The following MTSS1 variants were observed in gnomAD, a reference collection of about 807,000 sequenced individuals.
MTSS1 encodes the protein protein MTSS 1.
MTSS1 carries 18 observed loss-of-function variants against 79.0 expected under a neutral mutation model. The observed-to-expected ratio is 0.23, with a 90% confidence interval of 0.16 to 0.34. The LOEUF is 0.34. Ranked by LOEUF, MTSS1 falls within the 10% of genes least tolerant of loss-of-function variation. The pLI, the probability that MTSS1 is intolerant of heterozygous loss-of-function variation, is 1.00. For missense variants in MTSS1, 815 were observed against 986.2 expected, an observed-to-expected ratio of 0.83 and a Z score of 2.33; for synonymous variants, 341 against 368.6, an observed-to-expected ratio of 0.93 and a Z score of 0.86.
chr8:124,715,300 A>G (rs73707021), intron 1 of MTSS1, among the ~76,000 whole-genome samples: 57 of 152,322 alleles, frequency 3.7e-4, no homozygotes, highest in African/African-American at 1.4e-3. Flanking sequence ...ATACCTCTGT[A>G]TTCATTCCAT....
At chr8:124,566,927 G>A (rs1826619087) in intron 8 of MTSS1, 144 bp downstream of exon 8, 1 of 652,484 alleles carries the variant, frequency 1.5e-6, no homozygotes, top group Non-Finnish European at 2.7e-6. Flanking sequence ...ACAGCTCGCT[G>A]TGGTGATTTC....
chr8:124,672,254 G>A (rs1022590799), intron 3 of MTSS1, among the ~76,000 whole-genome samples: 1 of 152,228 alleles, frequency 6.6e-6, no homozygotes, highest in African/African-American at 2.4e-5. Context: ...AACACTTTGG[G>A]AGGCCAAGGC....
chr8:124,628,383 C>T (rs1004997092), intron 3 of MTSS1, among the ~76,000 whole-genome samples: 1 of 152,144 alleles, frequency 6.6e-6, no homozygotes, highest in African/African-American at 2.4e-5. Flanking sequence ...TAAACCACCG[C>T]CACAGGATGC....
rs1450462880 is a variant in MTSS1 at position 124,551,362 on chromosome 8, C to T, written c.*1630G>A. ...GCTTAAATAGTTTCTAATAATCATG[C>T]CTTTGCTTTAAAGCCGTAACATAAA... On this transcript the variant is annotated 3_prime_UTR_variant, in exon 14 of 14. Transcript: ENST00000518547. 1 of 152,614 alleles carries T rather than the reference C, an allele frequency of 6.6e-6. No homozygotes were observed. The allele number at this position is 152,614 out of a possible 1,614,324, so 9.5% of individuals were successfully genotyped here. A position where few individuals can be genotyped will look rare whatever the true frequency, so the allele number is the denominator to read the frequency against.
In MTSS1 at chr8:124,568,389, C is replaced by T. The variant is rs1194676169; in HGVS notation, c.608G>A (p.Arg203Gln). The T allele has an allele frequency of 8.1e-6, 13 of 1,612,786 alleles. No homozygotes were observed. The highest frequency in any genetic ancestry group is 2.2e-5 in the South Asian group (2 of 91,042). The change falls in exon 7 of 14, where the codon CGG becomes CAG. Residue 203 changes from arginine (R) to glutamine (Q), a missense_variant. Physicochemically the swap from Arg to Gln is conservative, Grantham distance 43. Around this residue, in one of 2 missense-constraint regions of MTSS1, gnomAD observed 225 missense variants for 365.4 expected, o/e 0.62. Transcript: ENST00000518547. Reference sequence around the variant, plus strand: ...TTTCCATTAACTTACAATCACTGGCCGCAGCATAGAGATGAAGGTACAGAA... The same window carrying T: ...TTTCCATTAACTTACAATCACTGGCTGCAGCATAGAGATGAAGGTACAGAA... ...GRFCTFISML[R>Q]PVIEEEISML...
intron 3 of MTSS1, among the ~76,000 whole-genome samples, chr8:124,659,706 G>T (rs980023128): frequency 6.6e-6 from 1 of 152,186 alleles, no homozygotes; most frequent in Non-Finnish European, 1.5e-5. Context: ...CATGTAATGT[G>T]CCTAGCATTC....
At chr8:124,610,782 C>T (rs1039924675) in intron 3 of MTSS1, among the ~76,000 whole-genome samples, 4 of 152,158 alleles carry the variant, frequency 2.6e-5, no homozygotes, top group African/African-American at 9.7e-5. Flanking sequence ...GAAGAACCTT[C>T]CCCTTTCCAA....
At chr8:124,632,485 C>T (rs1318745519) in intron 3 of MTSS1, among the ~76,000 whole-genome samples, 2 of 151,256 alleles carry the variant, frequency 1.3e-5, no homozygotes, top group East Asian at 3.9e-4. Flanking sequence ...CCCACCTCTA[C>T]AAAAAATTAA....
At chr8:124,723,623 T>C (rs1833266058) in intron 1 of MTSS1, among the ~76,000 whole-genome samples, 1 of 152,238 alleles carries the variant, frequency 6.6e-6, no homozygotes, top group Non-Finnish European at 1.5e-5. Context: ...GAAGAGGTCC[T>C]AAATCTCTGG....
chr8:124,553,625 G>C lies in MTSS1; in HGVS notation c.1635C>G (p.Ser545=). Reference sequence around the variant, plus strand: ...TGTCGCTGTTTCTTGGAATGGTGGAGGACTTGTCGAACTCCTGCTGATCTG... The same window carrying C: ...TGTCGCTGTTTCTTGGAATGGTGGACGACTTGTCGAACTCCTGCTGATCTG... The part of the protein sequence containing the change: ...QEADQQEFDK[S]STIPRNSDIS... Residue 545 remains serine (S), a synonymous_variant, in exon 14 of 14, where the codon TCC becomes TCG. Transcript: ENST00000518547. This position sits in a 1 kb window ranked among gnomAD's most constrained non-coding sequence, Gnocchi z 6.0. The C allele has an allele frequency of 6.2e-7, 1 of 1,614,114 alleles. No homozygotes were observed. The highest frequency in any genetic ancestry group is 8.5e-7 in the Non-Finnish European group (1 of 1,180,018).
intron 3 of MTSS1, among the ~76,000 whole-genome samples, chr8:124,681,368 CTGTTT>C (rs1250293894): frequency 6.6e-6 from 1 of 152,168 alleles, no homozygotes; most frequent in Non-Finnish European, 1.5e-5. Flanking sequence ...TTCCCAGTTT[CTGTTT>C]TGTTTTGTTT....
intron 11 of MTSS1, among the ~76,000 whole-genome samples, chr8:124,557,239 A>T (rs1363785305): frequency 1.3e-5 from 2 of 152,200 alleles, no homozygotes; most frequent in Non-Finnish European, 2.9e-5. Flanking sequence ...CCCAGCAGGG[A>T]GCTCATTAGG....
At chr8:124,689,693 C>T (rs1827616450) in intron 3 of MTSS1, among the ~76,000 whole-genome samples, 1 of 148,618 alleles carries the variant, frequency 6.7e-6, no homozygotes, top group African/African-American at 2.5e-5. Flanking sequence ...TTCCAGTGAG[C>T]CAAGATCGCA....
chr8:124,644,482 G>C (rs936729466), intron 3 of MTSS1, among the ~76,000 whole-genome samples: 25 of 152,204 alleles, frequency 1.6e-4, no homozygotes, highest in Admixed American at 1.1e-3. Context: ...TGAGTTCTGA[G>C]CTGTCTGATT....
intron 6 of MTSS1, among the ~76,000 whole-genome samples, chr8:124,578,794 T>C (rs1829478849): frequency 6.6e-6 from 1 of 151,820 alleles, no homozygotes; most frequent in African/African-American, 2.4e-5. Flanking sequence ...GCCAGGCTGG[T>C]CTCGAACTCC....
At chr8:124,682,422 C>T (rs890024772) in intron 3 of MTSS1, among the ~76,000 whole-genome samples, 6 of 152,224 alleles carry the variant, frequency 3.9e-5, no homozygotes, top group African/African-American at 1.4e-4. Context: ...CTCTTCACCT[C>T]GGGCAAATAA....
intron 9 of MTSS1, chr8:124,563,560 A>C: frequency 6.2e-6 from 1 of 161,278 alleles, no homozygotes; most frequent in Non-Finnish European, 1.4e-5. Flanking sequence ...GCTGTCAAGA[A>C]CATCAGCAAA....
rs1587626378 is a variant in MTSS1 at position 124,656,860 on chromosome 8, T to G, written c.208+42666A>C. 2.6e-5 allele frequency among the ~76,000 whole-genome samples: 4 copies of G among 151,474 alleles called. No homozygotes were observed. In the South Asian group the frequency reaches 8.4e-4, roughly 32 times the overall value. On this transcript the variant is annotated intron_variant, in intron 3 of 13. Coordinates refer to ENST00000518547, the MANE Select transcript of MTSS1 (RefSeq NM_014751.6). ...TCCTTCAGAGCCACCCCTGAAGTAT[T>G]CCAACTGCAGGCAACATGGGGATAG...
At chr8:124,679,148 G>A (rs1233347839) in intron 3 of MTSS1, among the ~76,000 whole-genome samples, 2 of 152,236 alleles carry the variant, frequency 1.3e-5, no homozygotes, top group Non-Finnish European at 2.9e-5. Context: ...GTGAGGGCAA[G>A]TCCTTTAGCT....
Sources: gnomAD v4.1 joint callset for allele counts (sites outside exome capture counted in the v4.1 genomes callset) on GRCh38, gnomAD v4.1.1 for gene constraint, gnomAD v4.1.1 regional missense constraint, Gnocchi (gnomAD v3.1) non-coding constraint, MANE v1.5 for transcripts, NCBI Gene and HGNC (gene_info 2026-07-23, HGNC 2026-07-21) for gene names.